Variants in ZNF536 observed in about 807,000 individuals in gnomAD.
ZNF536 encodes the protein zinc finger protein 536.
ZNF536 carries 13 observed loss-of-function variants against 84.5 expected under a neutral mutation model. That is an observed-to-expected ratio of 0.15 (90% confidence interval 0.10 to 0.24). ZNF536 has a LOEUF of 0.24. Among genes scored for constraint, ZNF536 ranks in the 10% least tolerant of loss-of-function variants. ZNF536 has a pLI of 1.00. For synonymous variants in ZNF536, 811 were observed against 742.5 expected, an observed-to-expected ratio of 1.09 and a Z score of -1.50; for missense variants, 1,536 against 1,747.5, an observed-to-expected ratio of 0.88 and a Z score of 2.16.
At chr19:30,403,208 C>G (rs749504880) in intron 1 of ZNF536, among the ~76,000 whole-genome samples, 1 of 152,114 alleles carries the variant, frequency 6.6e-6, no homozygotes, top group South Asian at 2.1e-4. Flanking sequence ...CCATTTCAGA[C>G]GTCGGAGTGA....
At chr19:30,619,515 C>G (rs1207667080) in intron 1 of ZNF536, among the ~76,000 whole-genome samples, 1 of 152,120 alleles carries the variant, frequency 6.6e-6, no homozygotes, top group South Asian at 2.1e-4. Context: ...GTGTTGTCCC[C>G]AGAGAAGGGA....
At chr19:30,640,162 A>C (rs973523618) in intron 1 of ZNF536, among the ~76,000 whole-genome samples, 5 of 152,124 alleles carry the variant, frequency 3.3e-5, no homozygotes. Context: ...TGGAAGGATC[A>C]CTTGAATCCG....
Position 30,443,617 on chromosome 19 carries a change from C to A in ZNF536, c.55C>A (p.Pro19Thr), listed in dbSNP as rs2052168505. ...GVSSAEPEAE[P>T]HLSGPVLNGQ... ...GTCTTCGGCGGAGCCGGAAGCTGAGCCCCACCTGAGTGGCCCCGTCCTCAA... is the reference window on the plus strand; with the variant it reads ...GTCTTCGGCGGAGCCGGAAGCTGAGACCCACCTGAGTGGCCCCGTCCTCAA... Residue 19 changes from proline (P) to threonine (T), a missense_variant, in exon 2 of 5, where the codon CCC becomes ACC. This residue lies in a region of ZNF536 where 161 missense variants were observed against 178.5 expected (regional missense o/e 0.90). Transcript: ENST00000355537. The A allele has an allele frequency of 4.4e-6, 7 of 1,599,544 alleles. No homozygotes were observed. The highest frequency in any genetic ancestry group is 4.3e-6 in the Non-Finnish European group (5 of 1,174,354).
At chr19:30,578,944 G>A (rs1368932745) in intron 1 of ZNF536, among the ~76,000 whole-genome samples, 1 of 152,198 alleles carries the variant, frequency 6.6e-6, no homozygotes, top group Non-Finnish European at 1.5e-5. Flanking sequence ...CAGTTCTACT[G>A]CTGGAGGCTG....
At chr19:30,670,486 G>A (rs988935208) in intron 1 of ZNF536, among the ~76,000 whole-genome samples, 1 of 152,200 alleles carries the variant, frequency 6.6e-6, no homozygotes. Flanking sequence ...CCGGCCCATG[G>A]CAAGCACCTA....
rs147125681 is a variant in ZNF536, at chr19:30,681,299, G to C, written c.170-29458G>C. Among the ~76,000 whole-genome samples the C allele has an allele frequency of 5.1e-3, 780 of 152,298 alleles. 12 individuals carry two copies. Among genetic ancestry groups the C allele is most frequent in the African/African-American group, 0.018 (735 of 41,556 alleles). ...GGGCTTTCTGCAGACCTGAGCGCCA[G>C]GCCTGTGCAAGGTGCTGAGGAGGTG... On this transcript the variant is annotated intron_variant, in intron 1 of 1. Coordinates refer to the ZNF536 transcript ENST00000592773.
intron 2 of ZNF536, among the ~76,000 whole-genome samples, chr19:30,293,178 G>A (rs1392901365): frequency 6.6e-6 from 1 of 152,120 alleles, no homozygotes; most frequent in Non-Finnish European, 1.5e-5. Flanking sequence ...GGCTCTGATG[G>A]TCAGTGGGTT....
At chr19:30,284,948 C>A (rs2045577857) in intron 2 of ZNF536, among the ~76,000 whole-genome samples, 2 of 152,120 alleles carry the variant, frequency 1.3e-5, no homozygotes, top group African/African-American at 4.8e-5. Context: ...CCGTGGATTA[C>A]TTTTATTTTG....
chr19:30,666,832 G>GTATATATA (rs67781281), intron 1 of ZNF536, among the ~76,000 whole-genome samples: 261 of 149,144 alleles, frequency 1.7e-3, no homozygotes, highest in African/African-American at 6.0e-3. Flanking sequence ...GTGTGTGTGT[G>GTATATATA]TATATATATA....
At chr19:30,362,855 T>G (rs1458403507) in intron 3 of ZNF536, among the ~76,000 whole-genome samples, 1 of 152,010 alleles carries the variant, frequency 6.6e-6, no homozygotes, top group Non-Finnish European at 1.5e-5. Context: ...AGCTGGGAGT[T>G]TGAGACCAGC....
chr19:30,664,143 C>T (rs996868269), intron 1 of ZNF536, among the ~76,000 whole-genome samples: 2 of 151,690 alleles, frequency 1.3e-5, no homozygotes, highest in African/African-American at 2.4e-5. Flanking sequence ...TTAAGACTCA[C>T]TTTTAATTTC....
chr19:30,709,747 C>T (rs890466210), intron 1 of ZNF536, among the ~76,000 whole-genome samples: 1 of 152,170 alleles, frequency 6.6e-6, no homozygotes, highest in Non-Finnish European at 1.5e-5. Context: ...GCCTAAGCCT[C>T]CTGAGTAGCT....
At chr19:30,258,000 G>C in intron 1 of ZNF536, among the ~76,000 whole-genome samples, 1 of 152,330 alleles carries the variant, frequency 6.6e-6, no homozygotes, top group Middle Eastern at 3.4e-3. Flanking sequence ...CAGCAGGACA[G>C]GTTGTTACCA....
chr19:30,444,492 G>T lies in ZNF536; in HGVS notation c.930G>T (p.Ser310=), dbSNP rs1436054389. ...GCACGTTGTGCGACTTCGCGGCTTC[G>T]CAGGAGGAGGAGCTCATCAGCCACG... ...YKCTLCDFAA[S]QEEELISHVE... The change falls in exon 2 of 5, where the codon TCG becomes TCT. Residue 310 remains serine, a synonymous_variant. Coordinates refer to ENST00000355537, the MANE Select transcript of ZNF536 (RefSeq NM_014717.3). 6.2e-7 allele frequency: 1 copy of T among 1,611,454 alleles called. No homozygotes were observed.
intron 1 of ZNF536, among the ~76,000 whole-genome samples, chr19:30,572,826 G>T (rs1332543393): frequency 6.6e-6 from 1 of 152,184 alleles, no homozygotes; most frequent in African/African-American, 2.4e-5. Context: ...TTTGTTGAAG[G>T]GGGACATTGG....
chr19:30,457,055 AAC>A (rs1491217835), intron 2 of ZNF536, among the ~76,000 whole-genome samples: 32 of 151,320 alleles, frequency 2.1e-4, no homozygotes, highest in Non-Finnish European at 4.0e-4. Context: ...AAAAAAAAAA[AAC>A]AAAAAAAAAG....
chr19:30,475,227 T>C (rs1301131072), intron 2 of ZNF536, among the ~76,000 whole-genome samples: 1 of 152,122 alleles, frequency 6.6e-6, no homozygotes, highest in Non-Finnish European at 1.5e-5. Flanking sequence ...ATTACAGGCA[T>C]GCACCATCAT....
Position 30,228,886 on chromosome 19 carries a change from C to G in ZNF536, c.-190+213C>G, listed in dbSNP as rs906310892. On this transcript the variant is annotated intron_variant, in intron 1 of 5. Transcript: ENST00000585628. The surrounding 1 kb of genome is among the most constrained non-coding windows in gnomAD (Gnocchi z 4.5). ...TCCCCCGTCTGCTGACTTTTCGGGC[C>G]AGGTGAAGTGTTTGGGCCACGCGTG... 7.9e-5 allele frequency among the ~76,000 whole-genome samples: 12 copies of G among 151,384 alleles called. No homozygotes were observed. Among genetic ancestry groups the G allele is most frequent in the African/African-American group, 2.9e-4 (12 of 41,240 alleles).
At chr19:30,236,529 CG>C (rs145207327) in intron 1 of ZNF536, among the ~76,000 whole-genome samples, 4,652 of 117,432 alleles carry the variant, frequency 0.04, 145 homozygotes, top group African/African-American at 0.08. Context: ...AAAGTTGGGG[CG>C]GGGGGGGGGT....
Sources: gnomAD v4.1 joint callset for allele counts (sites outside exome capture counted in the v4.1 genomes callset) on GRCh38, gnomAD v4.1.1 for gene constraint, gnomAD v4.1.1 regional missense constraint, Gnocchi (gnomAD v3.1) non-coding constraint, MANE v1.5 for transcripts, NCBI Gene and HGNC (gene_info 2026-07-23, HGNC 2026-07-21) for gene names.